SCYL2: variants seen among roughly 807,000 people sequenced by gnomAD.
SCYL2 encodes the protein SCY1 like pseudokinase 2.
Under a neutral mutation model 100.4 loss-of-function variants are expected in SCYL2, and 36 were observed. The ratio of observed to expected loss-of-function variants is 0.36; its 90% CI spans 0.27 to 0.47. SCYL2 has a LOEUF of 0.47. Ranked by LOEUF, SCYL2 falls within the 20% of genes least tolerant of loss-of-function variation. The probability of loss-of-function intolerance (pLI) is 1.00; values close to 1 mark genes in which losing one functional copy is unlikely to be tolerated. For missense variants in SCYL2, 902 were observed against 1,083.9 expected (o/e 0.83, Z 2.36); for synonymous variants, 330 against 359.2 (o/e 0.92, Z 0.92).
intron 3 of SCYL2, among the ~76,000 whole-genome samples, chr12:100,294,444 C>A (rs1274951677): frequency 8.8e-6 from 1 of 113,622 alleles, no homozygotes; most frequent in Non-Finnish European, 1.9e-5. Context: ...TCCTCACTTC[C>A]CAGTAGGGGC....
In SCYL2 at chr12:100,337,420, G is replaced by A; in HGVS notation, c.2059G>A (p.Ala687Thr). ...TACACTTGAAGAAAAACAAAAATTAGCAAAAGAACAAGAGCAGGCACAGAA... is the reference window on the plus strand; with the variant it reads ...TACACTTGAAGAAAAACAAAAATTAACAAAAGAACAAGAGCAGGCACAGAA... ...SLTLEEKQKL[A>T]KEQEQAQKLK... The change falls in exon 17 of 18, where the codon GCA becomes ACA. Residue 687 changes from alanine (A) to threonine (T), a missense_variant. Physicochemically the swap from Ala to Thr is moderately conservative, Grantham distance 58. Coordinates refer to ENST00000360820, the MANE Select transcript of SCYL2 (RefSeq NM_017988.6). The A allele has an allele frequency of 6.2e-7, 1 of 1,601,298 alleles. No individual in the cohort carries two copies. The highest frequency in any genetic ancestry group is 8.5e-7 in the Non-Finnish European group (1 of 1,177,056).
intron 4 of SCYL2, among the ~76,000 whole-genome samples, chr12:100,299,078 T>C (rs2135870823): frequency 6.6e-6 from 1 of 151,954 alleles, no homozygotes; most frequent in South Asian, 2.1e-4. Context: ...ACAAAAAAAT[T>C]TTAAAAATTG....
Position 100,334,284 on chromosome 12 carries a change from G to T in SCYL2, c.1862+18G>T. On this transcript the variant is annotated intron_variant, in intron 14 of 17. Transcript: ENST00000360820. ...CAGCAGAAGTAAGTAGGTTGCACAT[G>T]AATTATATGTGGTCCGGGAGTGAAA... is the stretch of plus-strand genomic sequence containing the variant. The T allele has an allele frequency of 1.5e-6, 2 of 1,330,400 alleles. No individual in the cohort carries two copies. Among genetic ancestry groups the T allele is most frequent in the South Asian group, 2.3e-5 (2 of 85,132 alleles). 82.4% of individuals were successfully genotyped at this position (1,330,400 alleles called of 1,614,324 possible).
intron 10 of SCYL2, among the ~76,000 whole-genome samples, chr12:100,320,784 G>A (rs1333799325): frequency 6.6e-6 from 1 of 152,014 alleles, no homozygotes; most frequent in African/African-American, 2.4e-5. Context: ...GCCTATCTCT[G>A]TCTCTCTGTC....
chr12:100,271,395 G>C (rs540508175), intron 1 of SCYL2, among the ~76,000 whole-genome samples: 1 of 151,852 alleles, frequency 6.6e-6, no homozygotes, highest in Non-Finnish European at 1.5e-5. Flanking sequence ...GTATTTAACC[G>C]TATTTCATGT....
intron 10 of SCYL2, 88 bp from the exon 11 acceptor site, chr12:100,323,437 G>A: frequency 1.3e-6 from 1 of 760,070 alleles, no homozygotes; most frequent in Non-Finnish European, 2.2e-6. Context: ...CTATATGACA[G>A]TTTAGCCATG....
In SCYL2 at chr12:100,291,633, C is replaced by CT; in HGVS notation, c.309dup (p.Val104CysfsTer29). 6.2e-7 allele frequency: 1 copy of CT among 1,600,122 alleles called. No individual in the cohort carries two copies. ...CGGCTTCGACACCCTCGACTTCTTA[C>CT]TGTCCAGCATCCTTTAGAAGAATCC... On this transcript the variant is annotated frameshift_variant, in exon 3 of 18. Coordinates refer to ENST00000360820, the MANE Select transcript of SCYL2 (RefSeq NM_017988.6). LOFTEE classifies it high-confidence loss of function.
At chr12:100,303,801 G>A (rs545385115) in intron 4 of SCYL2, among the ~76,000 whole-genome samples, 1 of 152,260 alleles carries the variant, frequency 6.6e-6, no homozygotes, top group South Asian at 2.1e-4. Context: ...TGGGAGATCC[G>A]CTGCTCTCTT....
chr12:100,274,363 C>T (rs1592925017), intron 1 of SCYL2, among the ~76,000 whole-genome samples: 1 of 152,036 alleles, frequency 6.6e-6, no homozygotes, highest in East Asian at 1.9e-4. Context: ...TCTAAATTGT[C>T]GTATATTGTG....
At chr12:100,312,210 G>A (rs1429006415) in intron 5 of SCYL2, among the ~76,000 whole-genome samples, 2 of 152,092 alleles carry the variant, frequency 1.3e-5, no homozygotes, top group East Asian at 3.9e-4. Flanking sequence ...GTGATAATTT[G>A]TCTTCCGGAA....
intron 13 of SCYL2, among the ~76,000 whole-genome samples, chr12:100,331,556 T>G (rs529537737): frequency 6.6e-6 from 1 of 152,200 alleles, no homozygotes; most frequent in South Asian, 2.1e-4. Context: ...TGCAGTGATT[T>G]GAGATTGCAC....
At chr12:100,310,332 T>C (rs1460473456) in intron 4 of SCYL2, among the ~76,000 whole-genome samples, 1 of 152,164 alleles carries the variant, frequency 6.6e-6, no homozygotes. Flanking sequence ...GCCATCCTCA[T>C]GGATGTGAGG....
chr12:100,311,027 GT>G lies in SCYL2; in HGVS notation c.481-11del. 1 of 1,528,660 alleles carries G rather than the reference GT, an allele frequency of 6.5e-7. No homozygotes were observed. The highest frequency in any genetic ancestry group is 8.7e-7 in the Non-Finnish European group (1 of 1,143,728). 94.7% of individuals were successfully genotyped at this position (1,528,660 alleles called of 1,614,324 possible). ...AGGAGTTTTATTTAGTGTAAAATGT[GT>G]TTTTTCCATTTACAGGTTTCTGAAG... On this transcript the variant is annotated splice_polypyrimidine_tract_variant and intron_variant, in intron 4 of 17. Transcript: ENST00000360820.
At chr12:100,276,616 G>A (rs1284239319) in intron 1 of SCYL2, among the ~76,000 whole-genome samples, 2 of 152,148 alleles carry the variant, frequency 1.3e-5, no homozygotes. Flanking sequence ...GGGATTACAA[G>A]CATGAGTCAT....
intron 4 of SCYL2, among the ~76,000 whole-genome samples, chr12:100,307,887 A>T (rs1317940033): frequency 2.0e-5 from 3 of 152,238 alleles, no homozygotes; most frequent in Admixed American, 6.5e-5. Context: ...ATATGAAAAA[A>T]AGCTCATCAT....
intron 2 of SCYL2, among the ~76,000 whole-genome samples, chr12:100,283,572 C>T (rs970581671): frequency 3.3e-5 from 5 of 152,094 alleles, no homozygotes; most frequent in African/African-American, 1.2e-4. Context: ...GCAGTCAGTG[C>T]TGGGATTACA....
chr12:100,268,959 G>GTT (rs748113101), intron 1 of SCYL2, among the ~76,000 whole-genome samples: 2 of 152,134 alleles, frequency 1.3e-5, no homozygotes, highest in Non-Finnish European at 2.9e-5. Context: ...TGTAACAGTA[G>GTT]TCCTGTTCCA....
chr12:100,339,426 A>C lies in SCYL2; in HGVS notation c.*254A>C. 1 of 416,984 alleles carries C rather than the reference A, an allele frequency of 2.4e-6. No individual in the cohort carries two copies. Among genetic ancestry groups the C allele is most frequent in the Non-Finnish European group, 4.3e-6 (1 of 234,956 alleles). 25.8% of individuals were successfully genotyped at this position (416,984 alleles called of 1,614,324 possible). A position where few individuals can be genotyped will look rare whatever the true frequency, so the allele number is the denominator to read the frequency against. On this transcript the variant is annotated 3_prime_UTR_variant, in exon 18 of 18. Transcript: ENST00000360820. ...TAAAGACCCAGCCCTTCCCAATCTC[A>C]AAGAGAAAAAGGAAACTGAGTTATC...
intron 13 of SCYL2, among the ~76,000 whole-genome samples, chr12:100,332,308 G>T (rs926854090): frequency 9.9e-5 from 15 of 152,146 alleles, no homozygotes; most frequent in African/African-American, 3.6e-4. Context: ...CAGGTGTACA[G>T]CATAGAACAT....
Sources: allele counts gnomAD v4.1 joint callset (sites outside exome capture counted in the v4.1 genomes callset), GRCh38; gene constraint gnomAD v4.1.1; transcripts MANE v1.5; gene names NCBI Gene and HGNC (gene_info 2026-07-23, HGNC 2026-07-21).